USP4: variants seen among roughly 807,000 people sequenced by gnomAD.
USP4 encodes the protein ubiquitin carboxyl-terminal hydrolase 4.
Under a neutral mutation model 118.2 loss-of-function variants are expected in USP4, and 72 were observed. The observed-to-expected ratio is 0.61, with a 90% CI of 0.50 to 0.74. The LOEUF (loss-of-function observed/expected upper bound fraction) is 0.74. Among genes scored for constraint, USP4 ranks in the 30% least tolerant of loss-of-function variants. The pLI is 0.00. For missense variants in USP4, 1,037 were observed against 1,185.7 expected (o/e 0.87, Z 1.84); for synonymous variants, 415 against 440.4 (o/e 0.94, Z 0.72).
chr3:49,325,871 G>C, intron 3 of USP4, 26 bp from the exon 4 acceptor site: 1 of 1,610,624 alleles, frequency 6.2e-7, no homozygotes, highest in Non-Finnish European at 8.5e-7. Flanking sequence ...AGGGGTGAGG[G>C]CATAGCGGTT....
intron 2 of USP4, among the ~76,000 whole-genome samples, 163 bp downstream of exon 2, chr3:49,335,306 C>T (rs2047657362): frequency 6.6e-6 from 1 of 152,176 alleles, no homozygotes; most frequent in African/African-American, 2.4e-5. Context: ...AGCTTAACTT[C>T]TCATTAAGGG....
intron 12 of USP4, among the ~76,000 whole-genome samples, chr3:49,298,328 G>A (rs886934205): frequency 6.6e-6 from 1 of 152,184 alleles, no homozygotes; most frequent in East Asian, 1.9e-4. Context: ...CTTTGACCAC[G>A]GCTAGTGTGA....
chr3:49,301,048 TCC>T (rs2047258309), intron 10 of USP4, among the ~76,000 whole-genome samples: 1 of 152,124 alleles, frequency 6.6e-6, no homozygotes. Flanking sequence ...AAAGCGATCT[TCC>T]TGCCTCAGAC....
chr3:49,283,129 C>T (rs2047055172), intron 19 of USP4, among the ~76,000 whole-genome samples: 1 of 149,094 alleles, frequency 6.7e-6, no homozygotes, highest in African/African-American at 2.5e-5. Flanking sequence ...GATTTTCCTG[C>T]CTCAGCCTCC....
In USP4 at chr3:49,323,271, TAAAAAA is replaced by T. The variant is rs1173500243; in HGVS notation, c.695+1425_695+1430del. Among the ~76,000 whole-genome samples the T allele has an allele frequency of 8.9e-5, 9 of 101,218 alleles. No individual in the cohort carries two copies. The South Asian group carries it at 2.9e-3, about 33-fold the overall frequency. 66.4% of individuals were successfully genotyped at this position (101,218 alleles called of 152,430 possible). Reference sequence around the variant, plus strand: ...CATGAGCCACTGCTCCTGGCCTTTTTAAAAAAAAAAAAAAAAAAAAAAAAAAAGAGA... The same window carrying T: ...CATGAGCCACTGCTCCTGGCCTTTTTAAAAAAAAAAAAAAAAAAAAAGAGA... On this transcript the variant is annotated intron_variant, in intron 6 of 21. Transcript: ENST00000265560.
chr3:49,295,435 C>T (rs2047194854), intron 13 of USP4, among the ~76,000 whole-genome samples: 1 of 150,002 alleles, frequency 6.7e-6, no homozygotes, highest in Non-Finnish European at 1.5e-5. Flanking sequence ...TAATTGTCAT[C>T]TTTGTTCAAA....
At chr3:49,327,638 A>G (rs376735519) in intron 3 of USP4, 48 bp downstream of exon 3, 142 of 1,606,584 alleles carry the variant, frequency 8.8e-5, no homozygotes, top group Admixed American at 1.7e-4. Context: ...TCCAACAGAA[A>G]GCACCTGCAG....
intron 21 of USP4, among the ~76,000 whole-genome samples, 158 bp from the exon 22 acceptor site, chr3:49,278,609 A>C (rs2046985991): frequency 6.6e-6 from 1 of 152,156 alleles, no homozygotes; most frequent in East Asian, 1.9e-4. Context: ...GCAGCAGGAA[A>C]TGGAAGGAGC....
Position 49,321,146 on chromosome 3 carries a change from C to T in USP4, c.695+3556G>A, listed in dbSNP as rs529202336. 3.3e-5 allele frequency among the ~76,000 whole-genome samples: 5 copies of T among 149,804 alleles called. No individual in the cohort carries two copies. The East Asian group carries it at 5.8e-4, about 17-fold the overall frequency. ...AAATTCTTTTCAGAAAGATGTAAGC[C>T]TCCATCTTGCTTAATACGCTAATTT... On this transcript the variant is annotated intron_variant, in intron 6 of 21. Coordinates refer to ENST00000265560, the MANE Select transcript of USP4 (RefSeq NM_003363.4).
At chr3:49,318,036 A>T (rs990741167) in intron 6 of USP4, among the ~76,000 whole-genome samples, 2 of 142,798 alleles carry the variant, frequency 1.4e-5, no homozygotes, top group Non-Finnish European at 3.0e-5. Context: ...GGGTTTCACC[A>T]TGTTGGCCAG....
chr3:49,325,355 G>A (rs943166463), intron 4 of USP4, among the ~76,000 whole-genome samples: 3 of 151,838 alleles, frequency 2.0e-5, no homozygotes, highest in African/African-American at 7.3e-5. Flanking sequence ...TTCTGGCTGC[G>A]ATTTGTTTTT....
chr3:49,311,640 G>C lies in USP4; in HGVS notation c.710C>G (p.Pro237Arg). ...QTLQSKSSTA[P>R]SRNFTTSPKS... ...TGGAGAGGTAGTAAAATTTCTGCTA[G>C]GCGCAGTGCTTGATCTGGGAGAGAG... is the stretch of plus-strand genomic sequence containing the variant. Residue 237 changes from proline to arginine, a missense_variant, in exon 7 of 22, where the codon CCT becomes CGT. Pro to Arg is a moderately radical substitution (Grantham distance 103, BLOSUM62 -2). Around this residue, in one of 3 missense-constraint regions of USP4, gnomAD observed 487 missense variants for 534.1 expected, o/e 0.91. Transcript: ENST00000265560. 6.2e-7 allele frequency: 1 copy of C among 1,613,846 alleles called. No individual in the cohort carries two copies. The highest frequency in any genetic ancestry group is 8.5e-7 in the Non-Finnish European group (1 of 1,179,844).
At chr3:49,291,062 G>A (rs1426822216) in intron 15 of USP4, among the ~76,000 whole-genome samples, 2 of 151,798 alleles carry the variant, frequency 1.3e-5, no homozygotes, top group African/African-American at 4.8e-5. Flanking sequence ...TCTGCCTCCC[G>A]GGTTCACGCC....
chr3:49,314,101 TAAG>T (rs1321694273), intron 6 of USP4: 3 of 152,184 alleles, frequency 2.0e-5, no homozygotes, highest in Non-Finnish European at 4.4e-5. Context: ...AGAAAATGAC[TAAG>T]AAGATGTACT....
In USP4 at chr3:49,286,079, G is replaced by A. The variant is rs2047087828; in HGVS notation, c.2200+19C>T. 1 of 1,611,324 alleles carries A rather than the reference G, an allele frequency of 6.2e-7. No individual in the cohort carries two copies. The highest frequency in any genetic ancestry group is 8.5e-7 in the Non-Finnish European group (1 of 1,177,572). On this transcript the variant is annotated intron_variant, in intron 16 of 21. Coordinates refer to ENST00000265560, the MANE Select transcript of USP4 (RefSeq NM_003363.4). ...TAAGACCCTAAAGCCCAGCTTGAAA[G>A]GTCAGAAAAAGTGCTTACAGTTGAG...
Position 49,319,801 on chromosome 3 carries a change from T to C in USP4, c.695+4901A>G, listed in dbSNP as rs541360596. Among the ~76,000 whole-genome samples, 3 of 151,864 alleles carry C rather than the reference T, an allele frequency of 2.0e-5. No individual in the cohort carries two copies. The South Asian group carries it at 6.2e-4, about 32-fold the overall frequency. ...GCTAATTTTCTGTACTTTTAGTAGA[T>C]AGGGGGGTCTCGCTATGTTCACCAG... On this transcript the variant is annotated intron_variant, in intron 6 of 21. Transcript: ENST00000265560.
Position 49,306,007 on chromosome 3 carries a change from A to G in USP4, c.955-119T>C, listed in dbSNP as rs111389695. ...GCCAACAAAATGAGGCACTCAGGAGATTCTCTGAAGGCTCACGACAGTAAA... is the reference window on the plus strand; with the variant it reads ...GCCAACAAAATGAGGCACTCAGGAGGTTCTCTGAAGGCTCACGACAGTAAA... On this transcript the variant is annotated intron_variant, in intron 8 of 21. Transcript: ENST00000265560. 1,619 of 1,035,608 alleles carry G rather than the reference A, an allele frequency of 1.6e-3. 16 individuals are homozygous for G. In the African/African-American group the frequency reaches 0.024, roughly 15 times the overall value. 64.2% of individuals were successfully genotyped at this position (1,035,608 alleles called of 1,614,324 possible).
chr3:49,308,413 G>A (rs1429898435), intron 8 of USP4, among the ~76,000 whole-genome samples: 10 of 152,078 alleles, frequency 6.6e-5, no homozygotes, highest in Middle Eastern at 3.4e-3. Context: ...TCCGCCTCCC[G>A]GGATCAAGAG....
rs2047232273 is a variant in USP4, at chr3:49,298,549, T to C, written c.1596+3A>G. ...CCGAGTGCCACTGATCACCCCGCCT[T>C]ACATTTTCTGCAGCAATGCCAGACA... On this transcript the variant is annotated splice_donor_region_variant and intron_variant, in intron 12 of 21. Transcript: ENST00000265560. The C allele has an allele frequency of 1.9e-6, 3 of 1,614,056 alleles. No individual in the cohort carries two copies. The highest frequency in any genetic ancestry group is 1.3e-5 in the African/African-American group (1 of 75,048).
Sources: allele counts gnomAD v4.1 joint callset (sites outside exome capture counted in the v4.1 genomes callset), GRCh38; gene constraint gnomAD v4.1.1; regional missense constraint gnomAD v4.1.1; transcripts MANE v1.5; gene names NCBI Gene and HGNC (gene_info 2026-07-23, HGNC 2026-07-21).